The following CWH43 variants were observed in gnomAD, a reference collection of about 807,000 sequenced individuals.
CWH43 encodes cell wall biogenesis 43 C-terminal homolog.
A neutral mutation model predicts 85.7 loss-of-function variants in CWH43; 91 were observed. The ratio of observed to expected loss-of-function variants is 1.06; its 90% CI spans 0.90 to 1.26. The LOEUF (loss-of-function observed/expected upper bound fraction) is 1.26, where lower values mean the gene tolerates loss of function less well. Ranked by LOEUF, CWH43 falls within the 50% of genes most tolerant of loss-of-function variation. CWH43 has a pLI of 0.00. For missense variants in CWH43, 869 were observed against 839.2 expected (o/e 1.04, Z -0.44); for synonymous variants, 323 against 293.6 (o/e 1.10, Z -1.02).
At chr4:49,014,901 G>A (rs1382447423) in intron 8 of CWH43, among the ~76,000 whole-genome samples, 1 of 151,964 alleles carries the variant, frequency 6.6e-6, no homozygotes. Flanking sequence ...AAAGGCCATA[G>A]TTTACATTAG....
In CWH43 at chr4:48,992,521, G is replaced by A. The variant is rs1560484600; in HGVS notation, c.511+431G>A. On this transcript the variant is annotated intron_variant, in intron 4 of 15. Coordinates refer to ENST00000226432, the MANE Select transcript of CWH43 (RefSeq NM_025087.3). The surrounding 1 kb of genome is among the most constrained non-coding windows in gnomAD (Gnocchi z 4.3). The stretch of plus-strand genomic sequence containing the variant: ...TATGGCTGTCACTGGAACTCCCTGG[G>A]TTTTTTTTCCCAGAGGTCTGAAGCT... Among the ~76,000 whole-genome samples the A allele has an allele frequency of 6.6e-6, 1 of 151,912 alleles. No homozygotes were observed. Among genetic ancestry groups the A allele is most frequent in the African/African-American group, 2.4e-5 (1 of 41,318 alleles).
Position 48,998,549 on chromosome 4 carries a change from G to T in CWH43, c.802+1G>T, listed in dbSNP as rs1331145790. ...ACTGGTTTGATCTGGTGGGTTACAG[G>T]TATGTGGAATTTACCTGCAGATAGA... On this transcript the variant is annotated splice_donor_variant, in intron 6 of 15. Transcript: ENST00000226432. LOFTEE classifies it high-confidence loss of function. 2 of 1,611,352 alleles carry T rather than the reference G, an allele frequency of 1.2e-6. No homozygotes were observed. Among genetic ancestry groups the T allele is most frequent in the Non-Finnish European group, 8.5e-7 (1 of 1,177,544 alleles).
intron 15 of CWH43, among the ~76,000 whole-genome samples, chr4:49,059,731 G>C (rs1039723092): frequency 6.6e-6 from 1 of 152,210 alleles, no homozygotes; most frequent in African/African-American, 2.4e-5. Context: ...CTTTGTGCCT[G>C]GGTCTCTGGG....
At chr4:49,061,722 T>C (rs1158318349) in intron 15 of CWH43, 90 bp from the exon 16 acceptor site, 1 of 1,080,070 alleles carries the variant, frequency 9.3e-7, no homozygotes, top group Non-Finnish European at 1.2e-6. Context: ...TTTGCTATTT[T>C]ATTTTATGAT....
chr4:48,988,929 G>A (rs140578985), intron 2 of CWH43, among the ~76,000 whole-genome samples: 1 of 152,240 alleles, frequency 6.6e-6, no homozygotes, highest in African/African-American at 2.4e-5. Context: ...TTAAAGAACT[G>A]ATCAGCTCTT....
chr4:49,036,820 T>C (rs542096446), intron 12 of CWH43, among the ~76,000 whole-genome samples: 1 of 152,154 alleles, frequency 6.6e-6, no homozygotes, highest in Non-Finnish European at 1.5e-5. Context: ...CTTCCTCTGG[T>C]GTCTCTGGGA....
At chr4:49,042,497 G>A (rs754370651) in intron 13 of CWH43, among the ~76,000 whole-genome samples, 6 of 152,186 alleles carry the variant, frequency 3.9e-5, no homozygotes, top group Non-Finnish European at 7.3e-5. Context: ...GACATTAATG[G>A]AGATGTCCAA....
chr4:48,998,385 T>C, intron 5 of CWH43, 75 bp from the exon 6 acceptor site: 1 of 1,131,650 alleles, frequency 8.8e-7, no homozygotes, highest in Non-Finnish European at 1.3e-6. Context: ...AGGTGGGAGG[T>C]ATATTTCTAT....
At chr4:49,012,562 T>C (rs533492939) in intron 8 of CWH43, among the ~76,000 whole-genome samples, 1 of 152,354 alleles carries the variant, frequency 6.6e-6, no homozygotes, top group Admixed American at 6.5e-5. Flanking sequence ...ACTCTGGTTT[T>C]TAGAATTTTT....
intron 13 of CWH43, among the ~76,000 whole-genome samples, chr4:49,039,582 A>G (rs1161578527): frequency 6.6e-6 from 1 of 150,516 alleles, no homozygotes; most frequent in Non-Finnish European, 1.5e-5. Context: ...CAGAGAAAAA[A>G]TCTTATCCGT....
chr4:49,038,216 G>C, intron 13 of CWH43, 36 bp downstream of exon 13: 1 of 1,460,994 alleles, frequency 6.8e-7, no homozygotes, highest in Non-Finnish European at 9.1e-7. Context: ...AATTTATTAA[G>C]TAAAACATTT....
At chr4:49,011,085 C>A (rs1405815592) in intron 8 of CWH43, among the ~76,000 whole-genome samples, 3 of 152,140 alleles carry the variant, frequency 2.0e-5, no homozygotes, top group Non-Finnish European at 2.9e-5. Context: ...GTATTAAAGT[C>A]TCCTATTATT....
Position 49,050,773 on chromosome 4 carries a change from C to T in CWH43, c.1945C>T (p.Pro649Ser). 1 of 1,610,708 alleles carries T rather than the reference C, an allele frequency of 6.2e-7. No homozygotes were observed. Among genetic ancestry groups the T allele is most frequent in the Non-Finnish European group, 8.5e-7 (1 of 1,177,170 alleles). Reference sequence around the variant, plus strand: ...GGCAAAATTTAGGATCCCTGATGACCCCACTAATTATAGAGACAACCAGAA... The same window carrying T: ...GGCAAAATTTAGGATCCCTGATGACTCCACTAATTATAGAGACAACCAGAA... The part of the protein sequence containing the change: ...QMAKFRIPDD[P>S]TNYRDNQKVV... Residue 649 changes from proline to serine, a missense_variant, in exon 15 of 16, where the codon CCC (proline) becomes TCC (serine). By Grantham distance (74) the Pro-to-Ser change is moderately conservative. Transcript: ENST00000226432.
At chr4:49,016,968 G>T (rs186199348) in intron 8 of CWH43, 4 of 782,310 alleles carry the variant, frequency 5.1e-6, no homozygotes, top group African/African-American at 1.7e-5. Flanking sequence ...GCAGTTCTGC[G>T]CAGGCACAGC....
chr4:49,041,155 T>C (rs1273566212), intron 13 of CWH43, among the ~76,000 whole-genome samples: 4 of 152,212 alleles, frequency 2.6e-5, no homozygotes, highest in African/African-American at 9.6e-5. Context: ...AGCCTTGTAG[T>C]ATAGTTTGAA....
chr4:48,997,401 C>T (rs1782848134), intron 5 of CWH43, among the ~76,000 whole-genome samples: 2 of 152,040 alleles, frequency 1.3e-5, no homozygotes, highest in South Asian at 4.1e-4. Context: ...TATGTTTCCC[C>T]CACTGGAATG....
At chr4:49,031,242 C>T (rs1243965753) in intron 11 of CWH43, 9 of 315,638 alleles carry the variant, frequency 2.9e-5, no homozygotes, top group Admixed American at 4.7e-5. Flanking sequence ...ATGGAGCTTA[C>T]CTTCCAGTGT....
chr4:49,057,562 T>G (rs149457886), intron 15 of CWH43, among the ~76,000 whole-genome samples: 2,078 of 152,308 alleles, frequency 0.014, 16 homozygotes, highest in Non-Finnish European at 0.022. Flanking sequence ...TTTCCTTTCA[T>G]TTGCACTTGA....
At chr4:49,050,986 T>C (rs1457489437) in intron 15 of CWH43, 137 bp downstream of exon 15, 8 of 595,038 alleles carry the variant, frequency 1.3e-5, no homozygotes, top group Non-Finnish European at 2.2e-5. Flanking sequence ...GTGACAAAGA[T>C]GATAAAATCT....
Sources: allele counts gnomAD v4.1 joint callset (sites outside exome capture counted in the v4.1 genomes callset), GRCh38; gene constraint gnomAD v4.1.1; non-coding constraint Gnocchi (gnomAD v3.1); transcripts MANE v1.5; gene names NCBI Gene and HGNC (gene_info 2026-07-23, HGNC 2026-07-21).